SLCO4A1: variants seen among roughly 807,000 people sequenced by gnomAD.
SLCO4A1 encodes solute carrier organic anion transporter family member 4A1.
SLCO4A1 carries 51 observed loss-of-function variants against 64.6 expected under a neutral mutation model. That is an observed-to-expected ratio of 0.79 (90% CI 0.63 to 1.00). The LOEUF (loss-of-function observed/expected upper bound fraction) is 1.00. SLCO4A1 is among the 50% of genes least tolerant of loss of function. The pLI is 0.00. For synonymous variants in SLCO4A1, 471 were observed against 444.9 expected, an observed-to-expected ratio of 1.06 and a Z score of -0.74; for missense variants, 919 against 980.5, an observed-to-expected ratio of 0.94 and a Z score of 0.84.
intron 11 of SLCO4A1, among the ~76,000 whole-genome samples, chr20:62,669,459 G>A (rs983310244): frequency 2.0e-4 from 31 of 152,212 alleles, no homozygotes; most frequent in African/African-American, 7.0e-4. Flanking sequence ...TGACTAGCTG[G>A]TCCACTCCGG....
At chr20:62,647,992 T>TATTA (rs772071314) in intron 1 of SLCO4A1, among the ~76,000 whole-genome samples, 2 of 152,214 alleles carry the variant, frequency 1.3e-5, no homozygotes, top group South Asian at 4.1e-4. Context: ...CTGGCCCCCA[T>TATTA]GGCCTCCTCC....
At chr20:62,675,152 G>A (rs1191613487), downstream of SLCO4A1, among the ~76,000 whole-genome samples, 2 of 152,228 alleles carry the variant, frequency 1.3e-5, no homozygotes, top group Non-Finnish European at 2.9e-5. Flanking sequence ...AGGGCACACA[G>A]TGGAGGCTCC....
intron 3 of SLCO4A1, 40 bp downstream of exon 3, chr20:62,658,807 C>T: frequency 6.6e-7 from 1 of 1,504,738 alleles, no homozygotes; most frequent in Non-Finnish European, 9.1e-7. Context: ...CTGGAGAGGC[C>T]CACGTGTCTC....
chr20:62,672,061 C>T lies in SLCO4A1; in HGVS notation c.*168C>T. On this transcript the variant is annotated 3_prime_UTR_variant, in exon 12 of 12. Coordinates refer to ENST00000217159, the MANE Select transcript of SLCO4A1 (RefSeq NM_016354.4). Reference sequence around the variant, plus strand: ...CCTCCTGTCCCCAGAGCTGTACGGCCCTGCAGTGGGTGGGAGGAACTTGCA... The same window carrying T: ...CCTCCTGTCCCCAGAGCTGTACGGCTCTGCAGTGGGTGGGAGGAACTTGCA... 6.6e-7 allele frequency: 1 copy of T among 1,509,580 alleles called. No homozygotes were observed. The highest frequency in any genetic ancestry group is 8.8e-7 in the Non-Finnish European group (1 of 1,130,564). 93.5% of individuals were successfully genotyped at this position (1,509,580 alleles called of 1,614,324 possible). A position where few individuals can be genotyped will look rare whatever the true frequency, so the allele number is the denominator to read the frequency against.
Position 62,667,922 on chromosome 20 carries a change from C to G in SLCO4A1, c.1638+12C>G. The G allele has an allele frequency of 2.5e-6, 4 of 1,613,978 alleles. No homozygotes were observed. Among genetic ancestry groups the G allele is most frequent in the Non-Finnish European group, 2.5e-6 (3 of 1,180,022 alleles). ...TGGACGGCCAGAAGGTGAGTGGAGCCGCTGCCTACCGCCCCTGTCCTCCCC... is the reference window on the plus strand; with the variant it reads ...TGGACGGCCAGAAGGTGAGTGGAGCGGCTGCCTACCGCCCCTGTCCTCCCC... On this transcript the variant is annotated intron_variant, in intron 8 of 11. Coordinates refer to ENST00000217159, the MANE Select transcript of SLCO4A1 (RefSeq NM_016354.4).
At chr20:62,682,673 AC>A in intron 2 of SLCO4A1, among the ~76,000 whole-genome samples, 1 of 151,368 alleles carries the variant, frequency 6.6e-6, no homozygotes, top group Non-Finnish European at 1.5e-5. Flanking sequence ...ACACACACAC[AC>A]ACAGTTGTCA....
At chr20:62,648,183 G>A (rs964456563) in intron 1 of SLCO4A1, among the ~76,000 whole-genome samples, 39 of 152,394 alleles carry the variant, frequency 2.6e-4, no homozygotes, top group African/African-American at 7.9e-4. Flanking sequence ...CTGCGGGGTT[G>A]TTGTGGGTTA....
At position 62,656,571 on chromosome 20, in the gene SLCO4A1, G is replaced by T. The variant is rs746181280; in HGVS notation, c.117G>T (p.Leu39=). The T allele has an allele frequency of 1.2e-5, 19 of 1,587,774 alleles. No homozygotes were observed. The highest frequency in any genetic ancestry group is 1.5e-5 in the Non-Finnish European group (18 of 1,171,518). The part of the protein sequence containing the change: ...PSRRASPGTP[L]SPGSLRSAAH... Reference sequence around the variant, plus strand: ...GGAGGGCATCCCCGGGCACACCCCTGAGCCCCGGCTCCCTCCGCTCCGCTG... The same window carrying T: ...GGAGGGCATCCCCGGGCACACCCCTTAGCCCCGGCTCCCTCCGCTCCGCTG... The change falls in exon 2 of 12, where the codon CTG becomes CTT. Residue 39 remains leucine (L), a synonymous_variant. Coordinates refer to ENST00000217159, the MANE Select transcript of SLCO4A1 (RefSeq NM_016354.4).
At chr20:62,643,059 C>T (rs1330421190) in intron 1 of SLCO4A1, 1 of 469,536 alleles carries the variant, frequency 2.1e-6, no homozygotes, top group African/African-American at 2.0e-5. Context: ...CCTTCATGCA[C>T]GGAAGTTTCT....
chr20:62,661,023 G>GCCCCCCAC lies in SLCO4A1; in HGVS notation c.1010-36_1010-35insCACCCCCC. ...CTCTCGGAGAAGTCCACCTCCGGGA[G>GCCCCCCAC]CCCCCAGCCCCCAGCCCCAGCTCAC... On this transcript the variant is annotated intron_variant, in intron 4 of 11. Coordinates refer to ENST00000217159, the MANE Select transcript of SLCO4A1 (RefSeq NM_016354.4). The surrounding 1 kb of genome is among the most constrained non-coding windows in gnomAD (Gnocchi z 5.2). 1.4e-6 allele frequency: 1 copy of GCCCCCCAC among 732,762 alleles called. No individual in the cohort carries two copies. The highest frequency in any genetic ancestry group is 1.9e-5 in the Admixed American group (1 of 52,578). 45.4% of individuals were successfully genotyped at this position (732,762 alleles called of 1,614,324 possible).
downstream of SLCO4A1, among the ~76,000 whole-genome samples, chr20:62,689,851 G>A (rs1323392528): frequency 6.6e-6 from 1 of 152,230 alleles, no homozygotes; most frequent in Non-Finnish European, 1.5e-5. Flanking sequence ...GAATGTCTGG[G>A]GCCGAGGAAG....
In SLCO4A1 at chr20:62,661,041, C is replaced by CCCCCCCCCCCCCCCCAAAAA; in HGVS notation, c.1010-23_1010-22insCCCCCCCCCCCCCCCAAAAA. Reference sequence around the variant, plus strand: ...TCCGGGAGCCCCCAGCCCCCAGCCCCAGCTCACTCTGTGCCCTTCCAGGCT... The same window carrying CCCCCCCCCCCCCCCCAAAAA: ...TCCGGGAGCCCCCAGCCCCCAGCCCCCCCCCCCCCCCCCCCAAAAAAGCTCACTCTGTGCCCTTCCAGGCT... On this transcript the variant is annotated intron_variant, in intron 4 of 11. Coordinates refer to ENST00000217159, the MANE Select transcript of SLCO4A1 (RefSeq NM_016354.4). This position sits in a 1 kb window ranked among gnomAD's most constrained non-coding sequence, Gnocchi z 5.2. 2.1e-6 allele frequency: 3 copies of CCCCCCCCCCCCCCCCAAAAA among 1,424,140 alleles called. No homozygotes were observed. Among genetic ancestry groups the CCCCCCCCCCCCCCCCAAAAA allele is most frequent in the Non-Finnish European group, 3.0e-6 (3 of 1,010,138 alleles). The allele number at this position is 1,424,140 out of a possible 1,614,324, so 88.2% of individuals were successfully genotyped here. A position where few individuals can be genotyped will look rare whatever the true frequency, so the allele number is the denominator to read the frequency against.
At chr20:62,653,931 C>T (rs546231176) in intron 1 of SLCO4A1, among the ~76,000 whole-genome samples, 1 of 151,930 alleles carries the variant, frequency 6.6e-6, no homozygotes, top group South Asian at 2.1e-4. Context: ...AGGAGATAAA[C>T]CTAATGTAAA....
intron 1 of SLCO4A1, chr20:62,651,293 C>G (rs1982458557): frequency 6.6e-6 from 1 of 152,204 alleles, no homozygotes; most frequent in Non-Finnish European, 1.5e-5. Flanking sequence ...GAACCCGGAG[C>G]TGAAACTCTT....
chr20:62,666,850 T>A (rs1986441374), intron 7 of SLCO4A1: 1 of 417,766 alleles, frequency 2.4e-6, no homozygotes, highest in Non-Finnish European at 4.4e-6. Flanking sequence ...GCTCTGTAGC[T>A]GTGTCAAATG....
At chr20:62,689,471 A>G (rs576642581), downstream of SLCO4A1, among the ~76,000 whole-genome samples, 47 of 152,362 alleles carry the variant, frequency 3.1e-4, 1 homozygote, top group South Asian at 8.9e-3. Context: ...ACAGACGGAC[A>G]GATGCTCAGC....
intron 2 of SLCO4A1, among the ~76,000 whole-genome samples, chr20:62,684,219 G>A (rs2147118003): frequency 6.6e-6 from 1 of 152,348 alleles, no homozygotes; most frequent in South Asian, 2.1e-4. Flanking sequence ...GGTCCTGGGT[G>A]TTCTACTTAA....
rs370604549 is a variant in SLCO4A1 at position 62,653,440 on chromosome 20, T to G, written c.-96-2919T>G. ...CTGCCTTCACAGATGAAGTTGCCCC[T>G]TTATTAAAAAACAAAACAAAACAAA... On this transcript the variant is annotated intron_variant, in intron 1 of 11. Transcript: ENST00000217159. 1.1e-3 allele frequency among the ~76,000 whole-genome samples: 161 copies of G among 152,324 alleles called. 2 individuals carry two copies. The South Asian group carries it at 0.032, about 30-fold the overall frequency.
At chr20:62,666,341 C>T (rs1416567796) in intron 6 of SLCO4A1, 39 bp from the exon 7 acceptor site, 2 of 1,593,424 alleles carry the variant, frequency 1.3e-6, no homozygotes, top group Non-Finnish European at 1.7e-6. Flanking sequence ...ACCACGGCCC[C>T]CTGCCTGAGT....
Sources: gnomAD v4.1 joint callset for allele counts (sites outside exome capture counted in the v4.1 genomes callset) on GRCh38, gnomAD v4.1.1 for gene constraint, Gnocchi (gnomAD v3.1) non-coding constraint, MANE v1.5 for transcripts, NCBI Gene and HGNC (gene_info 2026-07-23, HGNC 2026-07-21) for gene names.